ABHD12: variants seen among roughly 807,000 people sequenced by gnomAD.
ABHD12 encodes the protein abhydrolase domain containing 12, lysophospholipase, also known as lysophosphatidylserine lipase ABHD12.
Under a neutral mutation model 58.3 loss-of-function variants are expected in ABHD12, and 43 were observed. The observed-to-expected ratio is 0.74, with a 90% confidence interval of 0.58 to 0.95. The LOEUF is 0.95. ABHD12 is among the 40% of genes least tolerant of loss of function. The pLI, the probability that ABHD12 is intolerant of heterozygous loss-of-function variation, is 0.00. For synonymous variants in ABHD12, 219 were observed against 211.2 expected, an observed-to-expected ratio of 1.04 and a Z score of -0.32; for missense variants, 539 against 537.2, an observed-to-expected ratio of 1.00 and a Z score of -0.03.
Position 25,303,634 on chromosome 20 carries a change from G to A in ABHD12, c.951-6C>T, listed in dbSNP as rs2145920971. ...GACAGGAGATGTGCTTCACGCTGTA[G>A]GAGGGAGAAGGGGCTAGACCAAGAC... On this transcript the variant is annotated splice_polypyrimidine_tract_variant and splice_region_variant and intron_variant, in intron 10 of 12. Transcript: ENST00000339157. 1 of 1,613,516 alleles carries A rather than the reference G, an allele frequency of 6.2e-7. No individual in the cohort carries two copies. Among genetic ancestry groups the A allele is most frequent in the Non-Finnish European group, 8.5e-7 (1 of 1,179,966 alleles).
intron 11 of ABHD12, among the ~76,000 whole-genome samples, chr20:25,302,560 T>C (rs939197468): frequency 6.6e-5 from 10 of 152,148 alleles, no homozygotes; most frequent in Non-Finnish European, 1.2e-4. Context: ...CCACTCAAGA[T>C]ACTGTCCTCA....
chr20:25,313,578 AAAAATAAAATAAAATAAAAT>A lies in ABHD12; in HGVS notation c.619+1327_619+1346del, dbSNP rs56792874. Reference sequence around the variant, plus strand: ...AGAGGAACACCCAAGAATGATCAATAAAAATAAAATAAAATAAAATAAAATAAAATAAAATAAAATAAAAT... The same window carrying A: ...AGAGGAACACCCAAGAATGATCAATAAAAATAAAATAAAATAAAATAAAAT... On this transcript the variant is annotated intron_variant, in intron 6 of 12. Coordinates refer to ENST00000339157, the MANE Select transcript of ABHD12 (RefSeq NM_001042472.3). 7.6e-3 allele frequency among the ~76,000 whole-genome samples: 1,007 copies of A among 131,680 alleles called. 19 individuals are homozygous for A. Among genetic ancestry groups the A allele is most frequent in the African/African-American group, 0.027 (939 of 34,208 alleles). 86.4% of individuals were successfully genotyped at this position (131,680 alleles called of 152,430 possible). A position where few individuals can be genotyped will look rare whatever the true frequency, so the allele number is the denominator to read the frequency against.
rs1437420490 is a variant in ABHD12, at chr20:25,359,514, G to A, written c.192-20163C>T. On this transcript the variant is annotated intron_variant, in intron 1 of 12. Transcript: ENST00000339157. ...AATAACATGCTGCTCTAATCACTGT[G>A]GTTAATGACAAAATATCTCATATTA... 2.6e-5 allele frequency among the ~76,000 whole-genome samples: 4 copies of A among 151,686 alleles called. No homozygotes were observed. In the East Asian group the frequency reaches 5.8e-4, roughly 22 times the overall value.
chr20:25,307,934 A>C (rs1311016189), intron 9 of ABHD12, 32 bp downstream of exon 9: 1 of 1,230,212 alleles, frequency 8.1e-7, no homozygotes, highest in East Asian at 2.3e-5. Flanking sequence ...CTTAATAATG[A>C]AAAGTTAATT....
chr20:25,383,861 G>A (rs866115605), intron 1 of ABHD12, among the ~76,000 whole-genome samples: 11 of 151,058 alleles, frequency 7.3e-5, no homozygotes, highest in Non-Finnish European at 1.6e-4. Context: ...AGGTTGAGGC[G>A]GGAGAATCAC....
intron 7 of ABHD12, 98 bp from the exon 8 acceptor site, chr20:25,308,592 T>C: frequency 7.0e-7 from 1 of 1,421,376 alleles, no homozygotes; most frequent in Non-Finnish European, 9.7e-7. Context: ...CCATGGGGTC[T>C]GTGAAGCTAC....
intron 1 of ABHD12, among the ~76,000 whole-genome samples, chr20:25,351,700 G>A (rs1209455970): frequency 6.6e-6 from 1 of 152,174 alleles, no homozygotes; most frequent in Non-Finnish European, 1.5e-5. Context: ...GATCACCTGA[G>A]GTTGGGACCT....
In ABHD12 at chr20:25,303,615, A is replaced by C; in HGVS notation, c.964T>G (p.Ser322Ala). Residue 322 changes from serine to alanine, a missense_variant, in exon 11 of 13, where the codon TCC becomes GCC. Coordinates refer to ENST00000339157, the MANE Select transcript of ABHD12 (RefSeq NM_001042472.3). ...GCGTGCAGGATGAGCAGGGGACAGG[A>C]GATGTGCTTCACGCTGTAGGAGGGA... is the stretch of plus-strand genomic sequence containing the variant. ...FANDENVKHI[S>A]CPLLILHAED... 1 of 1,613,786 alleles carries C rather than the reference A, an allele frequency of 6.2e-7. No homozygotes were observed. The highest frequency in any genetic ancestry group is 1.3e-5 in the African/African-American group (1 of 75,052).
At chr20:25,367,131 A>T (rs1167155982) in intron 1 of ABHD12, among the ~76,000 whole-genome samples, 1 of 152,192 alleles carries the variant, frequency 6.6e-6, no homozygotes. Flanking sequence ...CTCTTCCTTT[A>T]TATCTTACAA....
chr20:25,390,494 G>T lies in ABHD12; in HGVS notation c.191+19C>A. The T allele has an allele frequency of 2.6e-6, 2 of 768,070 alleles. No homozygotes were observed. Among genetic ancestry groups the T allele is most frequent in the Non-Finnish European group, 3.4e-6 (2 of 596,612 alleles). The allele number at this position is 768,070 out of a possible 1,614,324, so 47.6% of individuals were successfully genotyped here. A position where few individuals can be genotyped will look rare whatever the true frequency, so the allele number is the denominator to read the frequency against. ...AGGGACCGGCCCCCCCCCCCCCCCC[G>T]CTCCGCGCGAAGCCTCACCTGCCCA... On this transcript the variant is annotated intron_variant, in intron 1 of 12. Transcript: ENST00000339157.
intron 2 of ABHD12, among the ~76,000 whole-genome samples, chr20:25,324,397 G>A (rs1169083343): frequency 2.0e-5 from 3 of 152,172 alleles, no homozygotes; most frequent in Non-Finnish European, 4.4e-5. Flanking sequence ...TAGTCTTACT[G>A]CTTTTGGTGA....
chr20:25,345,472 C>T (rs1033868144), intron 1 of ABHD12, among the ~76,000 whole-genome samples: 1 of 152,170 alleles, frequency 6.6e-6, no homozygotes, highest in African/African-American at 2.4e-5. Context: ...TTGAAATCTT[C>T]TGCTCTGTAA....
At chr20:25,383,968 A>AAG (rs558492138) in intron 1 of ABHD12, among the ~76,000 whole-genome samples, 27,506 of 131,660 alleles carry the variant, frequency 0.21, 4,153 homozygotes, top group Non-Finnish European at 0.3. Flanking sequence ...AAAAAAAAAA[A>AAG]AAAAAAGAAA....
intron 1 of ABHD12, among the ~76,000 whole-genome samples, chr20:25,360,270 TCA>T (rs2146084709): frequency 8.3e-6 from 1 of 120,292 alleles, no homozygotes; most frequent in East Asian, 2.9e-4. Flanking sequence ...AGATGGAGTC[TCA>T]CTCTGTCACC....
downstream of ABHD12, chr20:25,296,612 G>C: frequency 6.8e-7 from 1 of 1,474,046 alleles, no homozygotes; most frequent in Non-Finnish European, 9.1e-7. Context: ...CCAGCCACTG[G>C]TGGTCCCTGC....
chr20:25,323,918 G>A (rs967439388), intron 2 of ABHD12, among the ~76,000 whole-genome samples: 6 of 152,188 alleles, frequency 3.9e-5, no homozygotes, highest in Admixed American at 2.6e-4. Flanking sequence ...GATGACCAAC[G>A]GAACGTTGGG....
intron 1 of ABHD12, among the ~76,000 whole-genome samples, chr20:25,370,141 T>C (rs2089881468): frequency 6.6e-6 from 1 of 152,166 alleles, no homozygotes; most frequent in Non-Finnish European, 1.5e-5. Flanking sequence ...AAGCTTTCAA[T>C]GCCTTGGGGC....
At chr20:25,294,865 A>C in exon 13 of ABHD12, 1 of 1,307,082 alleles carries the variant, frequency 7.7e-7, no homozygotes, top group Non-Finnish European at 1.1e-6. Flanking sequence ...GCAAAAGTTG[A>C]ATCCGGCGAG....
intron 1 of ABHD12, among the ~76,000 whole-genome samples, chr20:25,381,780 A>C (rs1355001204): frequency 6.6e-6 from 1 of 152,048 alleles, no homozygotes; most frequent in Admixed American, 6.6e-5. Flanking sequence ...ACAGGAGATA[A>C]TCCCTCACCT....
Sources: gnomAD v4.1 joint callset for allele counts (sites outside exome capture counted in the v4.1 genomes callset) on GRCh38, gnomAD v4.1.1 for gene constraint, MANE v1.5 for transcripts, NCBI Gene and HGNC (gene_info 2026-07-23, HGNC 2026-07-21) for gene names.